The following CYP7B1 variants were observed in gnomAD, a reference collection of about 807,000 sequenced individuals.
CYP7B1 encodes cytochrome P450 7B1.
CYP7B1 carries 29 observed loss-of-function variants against 42.7 expected under a neutral mutation model. The ratio of observed to expected loss-of-function variants is 0.68; its 90% CI spans 0.51 to 0.93. The LOEUF is 0.93. Ranked by LOEUF, CYP7B1 falls within the 40% of genes least tolerant of loss-of-function variation. The pLI, the probability that CYP7B1 is intolerant of heterozygous loss-of-function variation, is 0.00. For missense variants in CYP7B1, 655 were observed against 600.5 expected, an observed-to-expected ratio of 1.09 and a Z score of -0.95; for synonymous variants, 235 against 218.2, an observed-to-expected ratio of 1.08 and a Z score of -0.68.
chr8:64,736,117 G>GTGTTT (rs1477413969), intron 1 of CYP7B1, among the ~76,000 whole-genome samples: 2 of 152,006 alleles, frequency 1.3e-5, no homozygotes, highest in Non-Finnish European at 1.5e-5. Context: ...GGAAGTCTTT[G>GTGTTT]TGTTTACATC....
intron 1 of CYP7B1, among the ~76,000 whole-genome samples, chr8:64,757,985 C>G (rs978411160): frequency 2.6e-5 from 4 of 152,150 alleles, no homozygotes; most frequent in African/African-American, 9.7e-5. Flanking sequence ...CATAACACAC[C>G]TTTGGACTGG....
At chr8:64,746,741 T>C (rs1807649276) in intron 1 of CYP7B1, among the ~76,000 whole-genome samples, 1 of 152,158 alleles carries the variant, frequency 6.6e-6, no homozygotes, top group Non-Finnish European at 1.5e-5. Context: ...TTTAAAATTT[T>C]GGAAGATAAC....
intron 1 of CYP7B1, among the ~76,000 whole-genome samples, chr8:64,649,278 T>C (rs1490971527): frequency 1.3e-5 from 2 of 152,266 alleles, no homozygotes; most frequent in African/African-American, 4.8e-5. Flanking sequence ...CTGACTACTG[T>C]AGATACATCA....
intron 1 of CYP7B1, among the ~76,000 whole-genome samples, chr8:64,628,024 T>C (rs772663391): frequency 6.6e-5 from 10 of 152,174 alleles, no homozygotes; most frequent in Admixed American, 3.9e-4. Context: ...TGAGTAGGGA[T>C]ATAGGATGCT....
chr8:64,658,319 G>C (rs1211302210), intron 1 of CYP7B1, among the ~76,000 whole-genome samples: 1 of 151,566 alleles, frequency 6.6e-6, no homozygotes, highest in East Asian at 1.9e-4. Context: ...CTTATACAGG[G>C]AAATGAAAAA....
chr8:64,726,104 C>T (rs1253741203), intron 1 of CYP7B1, among the ~76,000 whole-genome samples: 1 of 152,146 alleles, frequency 6.6e-6, no homozygotes, highest in Non-Finnish European at 1.5e-5. Flanking sequence ...TGAGATGAAA[C>T]TAAAGAAATA....
At chr8:64,651,405 T>G (rs1282115396) in intron 1 of CYP7B1, among the ~76,000 whole-genome samples, 1 of 152,248 alleles carries the variant, frequency 6.6e-6, no homozygotes, top group Non-Finnish European at 1.5e-5. Flanking sequence ...TTGCAAATGT[T>G]TCTCAGACAA....
chr8:64,776,542 G>C (rs931076813), intron 1 of CYP7B1, among the ~76,000 whole-genome samples: 21 of 152,070 alleles, frequency 1.4e-4, no homozygotes, highest in African/African-American at 5.1e-4. Context: ...CACAGTACTT[G>C]AGACAATTCA....
chr8:64,699,267 T>C (rs1806877259), intron 1 of CYP7B1, among the ~76,000 whole-genome samples: 1 of 152,056 alleles, frequency 6.6e-6, no homozygotes, highest in Non-Finnish European at 1.5e-5. Context: ...AGATAGAAAA[T>C]TCATGACTCT....
At chr8:64,751,385 T>C (rs1807722947) in intron 1 of CYP7B1, among the ~76,000 whole-genome samples, 1 of 152,188 alleles carries the variant, frequency 6.6e-6, no homozygotes, top group Non-Finnish European at 1.5e-5. Context: ...TTTCATGCCA[T>C]TAAGTACTCC....
intron 1 of CYP7B1, among the ~76,000 whole-genome samples, chr8:64,703,422 C>T (rs1421897815): frequency 1.3e-5 from 2 of 151,824 alleles, no homozygotes; most frequent in Non-Finnish European, 2.9e-5. Flanking sequence ...TTGGTTTTTT[C>T]CTTTAATGAA....
intron 1 of CYP7B1, among the ~76,000 whole-genome samples, chr8:64,764,117 A>G (rs967584881): frequency 6.6e-6 from 1 of 151,872 alleles, no homozygotes; most frequent in African/African-American, 2.4e-5. Context: ...GTTATGTGGG[A>G]CCCGTTCCCC....
At chr8:64,747,471 A>C (rs1807661695) in intron 1 of CYP7B1, among the ~76,000 whole-genome samples, 1 of 151,424 alleles carries the variant, frequency 6.6e-6, no homozygotes, top group Non-Finnish European at 1.5e-5. Context: ...ATAAAAAGTT[A>C]ATTAACACAC....
chr8:64,603,876 T>TG (rs1356745634), intron 5 of CYP7B1, among the ~76,000 whole-genome samples: 1 of 152,200 alleles, frequency 6.6e-6, no homozygotes, highest in Admixed American at 6.5e-5. Flanking sequence ...GATTTAGAGG[T>TG]GGTCCAGCTA....
At chr8:64,586,865 C>T (rs1202700183), downstream of CYP7B1, among the ~76,000 whole-genome samples, 1 of 152,168 alleles carries the variant, frequency 6.6e-6, no homozygotes, top group African/African-American at 2.4e-5. Flanking sequence ...TCTGGATTTG[C>T]CAAGCCAATG....
In CYP7B1 at chr8:64,688,275, T is replaced by TGGG. The variant is rs777870521; in HGVS notation, c.123-63739_123-63737dup. 1.2e-4 allele frequency among the ~76,000 whole-genome samples: 18 copies of TGGG among 152,338 alleles called. No individual in the cohort carries two copies. The South Asian group carries it at 1.9e-3, about 16-fold the overall frequency. Reference sequence around the variant, plus strand: ...CTCTCTGAGCAAAGCTTTAGAGACTTGGGTGGTGGCCATAGTGACTACAGT... The same window carrying TGGG: ...CTCTCTGAGCAAAGCTTTAGAGACTTGGGGGGTGGTGGCCATAGTGACTACAGT... On this transcript the variant is annotated intron_variant, in intron 1 of 5. Transcript: ENST00000310193.
At chr8:64,736,594 G>C (rs989492077) in intron 1 of CYP7B1, among the ~76,000 whole-genome samples, 2 of 152,068 alleles carry the variant, frequency 1.3e-5, no homozygotes, top group Admixed American at 6.6e-5. Flanking sequence ...GGGACTACAG[G>C]TGCCTGCCAC....
At chr8:64,679,673 C>A (rs1254880438) in intron 1 of CYP7B1, among the ~76,000 whole-genome samples, 1 of 152,104 alleles carries the variant, frequency 6.6e-6, no homozygotes, top group East Asian at 1.9e-4. Context: ...ATTAGGAAAA[C>A]CAGCCTATCT....
chr8:64,693,893 A>T (rs578207878), intron 1 of CYP7B1, among the ~76,000 whole-genome samples: 2 of 152,296 alleles, frequency 1.3e-5, no homozygotes, highest in African/African-American at 4.8e-5. Flanking sequence ...AAGAAGAGAA[A>T]ACTGAAGTCT....
Sources: gnomAD v4.1 joint callset for allele counts (sites outside exome capture counted in the v4.1 genomes callset) on GRCh38, gnomAD v4.1.1 for gene constraint, MANE v1.5 for transcripts, NCBI Gene and HGNC (gene_info 2026-07-23, HGNC 2026-07-21) for gene names.